Variants in FER1L6 observed in about 807,000 individuals in gnomAD.
The protein encoded by FER1L6 is fer-1-like protein 6.
A neutral mutation model predicts 219.2 loss-of-function variants in FER1L6; 177 were observed. The ratio of observed to expected loss-of-function variants is 0.81; its 90% CI spans 0.71 to 0.91. FER1L6 has a LOEUF of 0.91. Among genes scored for constraint, FER1L6 ranks in the 40% least tolerant of loss-of-function variants. The pLI is 0.00. For synonymous variants in FER1L6, 768 were observed against 824.3 expected (o/e 0.93, Z 1.17); for missense variants, 2,153 against 2,259.9 (o/e 0.95, Z 0.96).
At chr8:124,027,634 A>C (rs1359578116) in intron 18 of FER1L6, among the ~76,000 whole-genome samples, 1 of 152,200 alleles carries the variant, frequency 6.6e-6, no homozygotes, top group Non-Finnish European at 1.5e-5. Context: ...ATCACAGCTC[A>C]CTGTAGCCTT....
At chr8:123,994,494 C>G in intron 12 of FER1L6, among the ~76,000 whole-genome samples, 1 of 152,144 alleles carries the variant, frequency 6.6e-6, no homozygotes, top group East Asian at 1.9e-4. Context: ...TACACATTGG[C>G]GAGACATATC....
intron 13 of FER1L6, among the ~76,000 whole-genome samples, chr8:124,005,628 A>G (rs1817623537): frequency 6.6e-6 from 1 of 152,230 alleles, no homozygotes; most frequent in African/African-American, 2.4e-5. Context: ...GCCAGGGACT[A>G]TGCCTTATTC....
At chr8:124,087,613 C>T (rs1309493278) in intron 33 of FER1L6, among the ~76,000 whole-genome samples, 1 of 151,990 alleles carries the variant, frequency 6.6e-6, no homozygotes, top group African/African-American at 2.4e-5. Flanking sequence ...AATGTTTTCC[C>T]GGATGGCCCT....
rs548519444 is a variant in FER1L6, at chr8:123,865,936, G to A, written c.-8+13751G>A. ...TCAGATGGAAATGCAGAAATCACCC[G>A]TCTTCTGCGTCGCTCACGCTGGGAG... On this transcript the variant is annotated intron_variant, in intron 1 of 40. Transcript: ENST00000522917. Among the ~76,000 whole-genome samples, 16 of 151,346 alleles carry A rather than the reference G, an allele frequency of 1.1e-4. No homozygotes were observed. In the East Asian group the frequency reaches 2.7e-3, roughly 26 times the overall value.
chr8:124,085,218 A>C (rs929794014), intron 33 of FER1L6, among the ~76,000 whole-genome samples: 1 of 152,028 alleles, frequency 6.6e-6, no homozygotes, highest in Admixed American at 6.5e-5. Flanking sequence ...TATCTTTTTG[A>C]AAAACCAACT....
intron 1 of FER1L6, among the ~76,000 whole-genome samples, chr8:123,867,603 G>T (rs1437435351): frequency 2.0e-5 from 3 of 152,102 alleles, no homozygotes; most frequent in Non-Finnish European, 4.4e-5. Context: ...CAATCTCTTA[G>T]TACCTACCTT....
chr8:123,888,513 C>T (rs1325408183), intron 1 of FER1L6, among the ~76,000 whole-genome samples: 1 of 152,144 alleles, frequency 6.6e-6, no homozygotes, highest in Non-Finnish European at 1.5e-5. Context: ...TGTATTCAGG[C>T]ATTTATGCTG....
intron 1 of FER1L6, among the ~76,000 whole-genome samples, chr8:123,900,650 G>T (rs1219273960): frequency 6.6e-6 from 1 of 152,210 alleles, no homozygotes. Context: ...GTCATAGATG[G>T]CTTTAATTAC....
intron 32 of FER1L6, among the ~76,000 whole-genome samples, chr8:124,080,990 TTC>T (rs1821521051): frequency 2.0e-5 from 3 of 152,216 alleles, no homozygotes; most frequent in African/African-American, 7.2e-5. Flanking sequence ...GTCTCTGCTT[TTC>T]TCTCTCTGAG....
chr8:123,884,616 G>T (rs560913378), intron 1 of FER1L6, among the ~76,000 whole-genome samples: 114 of 152,312 alleles, frequency 7.5e-4, no homozygotes, highest in Non-Finnish European at 1.2e-3. Flanking sequence ...ATTAGCTGGG[G>T]TCCCAGAAGG....
At chr8:123,998,858 C>G (rs777472493) in intron 12 of FER1L6, among the ~76,000 whole-genome samples, 2 of 152,198 alleles carry the variant, frequency 1.3e-5, no homozygotes, top group Non-Finnish European at 2.9e-5. Context: ...AGCCCCACAG[C>G]AAGTACTGCC....
intron 15 of FER1L6, among the ~76,000 whole-genome samples, chr8:124,015,616 T>TA (rs1586593989): frequency 7.8e-5 from 10 of 128,602 alleles, no homozygotes; most frequent in South Asian, 2.6e-4. Context: ...TATATATATA[T>TA]TACTCCTGCT....
At chr8:124,106,759 T>C (rs1003904459) in intron 39 of FER1L6, among the ~76,000 whole-genome samples, 4 of 152,176 alleles carry the variant, frequency 2.6e-5, no homozygotes, top group Non-Finnish European at 5.9e-5. Flanking sequence ...AACTTGTCCA[T>C]GGACTTCATG....
At chr8:124,053,611 C>T (rs1283994039) in intron 22 of FER1L6, among the ~76,000 whole-genome samples, 1 of 152,152 alleles carries the variant, frequency 6.6e-6, no homozygotes, top group Admixed American at 6.5e-5. Context: ...TGCCCTTGCT[C>T]AGAAGGATTT....
chr8:124,059,001 C>T (rs1563771891), intron 22 of FER1L6: 1 of 152,212 alleles, frequency 6.6e-6, no homozygotes, highest in African/African-American at 2.4e-5. Flanking sequence ...GATATATTTG[C>T]ATTTTGCAGA....
At chr8:123,898,953 C>G (rs553363872) in intron 1 of FER1L6, among the ~76,000 whole-genome samples, 30 of 151,174 alleles carry the variant, frequency 2.0e-4, no homozygotes, top group Admixed American at 2.0e-3. Flanking sequence ...GTGAATTGTG[C>G]TGCTATAAAC....
In FER1L6 at chr8:124,097,210, A is replaced by T. The variant is rs879115054; in HGVS notation, c.4696-61A>T. ...GGATCTTATAAAACCATGAATTATC[A>T]ATTACCCATGTCCCCTAGCCCCCTC... On this transcript the variant is annotated intron_variant, in intron 35 of 40. Coordinates refer to ENST00000522917, the MANE Select transcript of FER1L6 (RefSeq NM_001039112.2). 7.4e-6 allele frequency: 9 copies of T among 1,209,086 alleles called. No homozygotes were observed. In the South Asian group the frequency reaches 8.9e-5, roughly 12 times the overall value. 74.9% of individuals were successfully genotyped at this position (1,209,086 alleles called of 1,614,324 possible). A position where few individuals can be genotyped will look rare whatever the true frequency, so the allele number is the denominator to read the frequency against.
At chr8:124,048,356 C>A (rs1449871492) in intron 21 of FER1L6, among the ~76,000 whole-genome samples, 1 of 152,222 alleles carries the variant, frequency 6.6e-6, no homozygotes, top group Non-Finnish European at 1.5e-5. Context: ...CTAGGGGACA[C>A]AGCAGTGAAT....
At chr8:123,967,642 A>G (rs1419491690) in intron 5 of FER1L6, among the ~76,000 whole-genome samples, 1 of 152,234 alleles carries the variant, frequency 6.6e-6, no homozygotes, top group Non-Finnish European at 1.5e-5. Flanking sequence ...AATTATTTCA[A>G]AAAATTCAGG....
Sources: allele counts gnomAD v4.1 joint callset (sites outside exome capture counted in the v4.1 genomes callset), GRCh38; gene constraint gnomAD v4.1.1; transcripts MANE v1.5; gene names NCBI Gene and HGNC (gene_info 2026-07-23, HGNC 2026-07-21).